The following CYRIB variants were observed in gnomAD, a reference collection of about 807,000 sequenced individuals.
CYRIB encodes the protein CYFIP related Rac1 interactor B.
Under a neutral mutation model 44.2 loss-of-function variants are expected in CYRIB, and 8 were observed. The ratio of observed to expected loss-of-function variants is 0.18; its 90% CI spans 0.11 to 0.33. The LOEUF is 0.33. Among genes scored for constraint, CYRIB ranks in the 10% least tolerant of loss-of-function variants. The probability of loss-of-function intolerance (pLI) is 1.00; values close to 1 mark genes in which losing one functional copy is unlikely to be tolerated. For missense variants in CYRIB, 185 were observed against 382.8 expected, an observed-to-expected ratio of 0.48 and a Z score of 4.31; for synonymous variants, 131 against 127.2, an observed-to-expected ratio of 1.03 and a Z score of -0.20.
chr8:129,982,606 C>A (rs1243249011), intron 1 of CYRIB, among the ~76,000 whole-genome samples: 2 of 152,178 alleles, frequency 1.3e-5, no homozygotes, highest in Non-Finnish European at 2.9e-5. Context: ...CATCTGTAAT[C>A]CTCACAAACT....
chr8:129,938,274 G>T (rs973230032), intron 1 of CYRIB, among the ~76,000 whole-genome samples: 2 of 152,144 alleles, frequency 1.3e-5, no homozygotes, highest in Admixed American at 1.3e-4. Context: ...TACAATTAAA[G>T]AATTAAAAGG....
At chr8:129,893,302 T>C (rs970678815) in intron 2 of CYRIB, among the ~76,000 whole-genome samples, 1 of 152,212 alleles carries the variant, frequency 6.6e-6, no homozygotes, top group African/African-American at 2.4e-5. Context: ...CCAATGGCTA[T>C]GATGAATACT....
At chr8:129,894,914 T>A (rs1311178408) in intron 2 of CYRIB, among the ~76,000 whole-genome samples, 1 of 148,302 alleles carries the variant, frequency 6.7e-6, no homozygotes, top group South Asian at 2.1e-4. Flanking sequence ...GTGTTAGAAA[T>A]ATATATATAT....
rs13255971 is a variant in CYRIB, at chr8:129,930,367, A to T, written c.-50+9241T>A. On this transcript the variant is annotated intron_variant, in intron 1 of 11. Transcript: ENST00000519824. ...AACTAGGAAGAATTGTGAAGTGCTT[A>T]TATATATATATATTTTAATTATTTA... Among the ~76,000 whole-genome samples the T allele has an allele frequency of 1.6e-3, 61 of 38,366 alleles. 1 individual carries two copies. Among genetic ancestry groups the T allele is most frequent in the Admixed American group, 5.0e-3 (12 of 2,422 alleles). The allele number at this position is 38,366 out of a possible 152,430, so 25.2% of individuals were successfully genotyped here. A position where few individuals can be genotyped will look rare whatever the true frequency, so the allele number is the denominator to read the frequency against.
At chr8:129,888,223 C>T (rs1318304655) in intron 2 of CYRIB, among the ~76,000 whole-genome samples, 1 of 152,130 alleles carries the variant, frequency 6.6e-6, no homozygotes, top group Non-Finnish European at 1.5e-5. Context: ...GGCACTTCCC[C>T]ATCTCTCTTC....
intron 4 of CYRIB, among the ~76,000 whole-genome samples, chr8:129,863,624 G>T (rs2051330397): frequency 6.6e-6 from 1 of 151,890 alleles, no homozygotes. Flanking sequence ...CTTTTCTCAG[G>T]CTTTCCTGAG....
At chr8:129,868,489 T>C (rs934765843) in intron 4 of CYRIB, 2 of 152,206 alleles carry the variant, frequency 1.3e-5, no homozygotes, top group African/African-American at 4.8e-5. Context: ...ATGTTATTTT[T>C]CTATGTAAAC....
chr8:129,985,621 A>C (rs1162284621), intron 1 of CYRIB, among the ~76,000 whole-genome samples: 1 of 152,042 alleles, frequency 6.6e-6, no homozygotes, highest in Non-Finnish European at 1.5e-5. Context: ...ACACTCTCCA[A>C]AGCCTATAAA....
intron 1 of CYRIB, among the ~76,000 whole-genome samples, chr8:129,930,072 G>A (rs192066096): frequency 8.0e-4 from 121 of 151,864 alleles, no homozygotes; most frequent in Admixed American, 1.9e-3. Flanking sequence ...TTCGCCGGGC[G>A]TGGTGGCGCA....
chr8:129,859,365 G>C (rs1482866676), intron 5 of CYRIB, among the ~76,000 whole-genome samples: 1 of 152,182 alleles, frequency 6.6e-6, no homozygotes, highest in Non-Finnish European at 1.5e-5. Context: ...CTGAAGCTCA[G>C]CATCACAGGG....
chr8:129,965,360 G>C (rs1274981629), intron 2 of CYRIB, among the ~76,000 whole-genome samples: 1 of 151,714 alleles, frequency 6.6e-6, no homozygotes, highest in Non-Finnish European at 1.5e-5. Flanking sequence ...CCCTCTTCTT[G>C]TTTTCCTACA....
At chr8:129,962,207 G>A (rs1217529460) in intron 2 of CYRIB, among the ~76,000 whole-genome samples, 1 of 151,790 alleles carries the variant, frequency 6.6e-6, no homozygotes, top group Non-Finnish European at 1.5e-5. Flanking sequence ...TTGCGCCACT[G>A]CACTCCAGCC....
At chr8:129,862,564 A>G (rs549239265) in intron 4 of CYRIB, among the ~76,000 whole-genome samples, 2 of 151,976 alleles carry the variant, frequency 1.3e-5, no homozygotes, top group South Asian at 4.1e-4. Flanking sequence ...TCTGCCTCCC[A>G]GGTTCAAGTG....
At chr8:129,882,342 T>C (rs1056308584) in intron 2 of CYRIB, among the ~76,000 whole-genome samples, 1 of 152,200 alleles carries the variant, frequency 6.6e-6, no homozygotes, top group Non-Finnish European at 1.5e-5. Context: ...ATATCTTAAA[T>C]TCCTATTATG....
chr8:130,015,564 T>A (rs2097323384), intron 1 of CYRIB, among the ~76,000 whole-genome samples: 1 of 152,064 alleles, frequency 6.6e-6, no homozygotes, highest in Non-Finnish European at 1.5e-5. Flanking sequence ...CCCCTCCACC[T>A]CTTGCAGCAG....
chr8:129,993,221 G>A (rs944737336), intron 1 of CYRIB, among the ~76,000 whole-genome samples: 15 of 151,236 alleles, frequency 9.9e-5, no homozygotes, highest in African/African-American at 2.4e-4. Context: ...TGAAACCCCC[G>A]TGCCTACTGA....
chr8:129,866,325 C>A (rs2053544367), intron 4 of CYRIB, among the ~76,000 whole-genome samples: 2 of 152,134 alleles, frequency 1.3e-5, no homozygotes, highest in Admixed American at 6.5e-5. Context: ...AAAGGAATTG[C>A]ACAATTCTTC....
At chr8:129,861,777 T>C (rs1343103182) in intron 5 of CYRIB, among the ~76,000 whole-genome samples, 1 of 152,138 alleles carries the variant, frequency 6.6e-6, no homozygotes, top group Non-Finnish European at 1.5e-5. Flanking sequence ...CAGTTTTAGA[T>C]ACATGAATTA....
At chr8:129,984,033 G>C (rs1268026758) in intron 1 of CYRIB, among the ~76,000 whole-genome samples, 1 of 152,234 alleles carries the variant, frequency 6.6e-6, no homozygotes, top group African/African-American at 2.4e-5. Flanking sequence ...CAGCTCCCAG[G>C]TGATGGTGCT....
Sources: gnomAD v4.1 joint callset for allele counts (sites outside exome capture counted in the v4.1 genomes callset) on GRCh38, gnomAD v4.1.1 for gene constraint, MANE v1.5 for transcripts, NCBI Gene and HGNC (gene_info 2026-07-23, HGNC 2026-07-21) for gene names.